WNK1: variants seen among roughly 807,000 people sequenced by gnomAD.
The protein encoded by WNK1 is WNK lysine deficient protein kinase 1.
WNK1 carries 38 observed loss-of-function variants against 222.8 expected under a neutral mutation model. The observed-to-expected ratio is 0.17, with a 90% CI of 0.13 to 0.22. The LOEUF (loss-of-function observed/expected upper bound fraction) is 0.22. Among genes scored for constraint, WNK1 ranks in the 10% least tolerant of loss-of-function variants. The pLI is 1.00. For synonymous variants in WNK1, 1,090 were observed against 1,092.9 expected (o/e 1.00, Z 0.05); for missense variants, 2,348 against 2,918.4 (o/e 0.80, Z 4.50).
chr12:754,041 G>A lies in WNK1; in HGVS notation c.476G>A (p.Ser159Asn), dbSNP rs1054763630. The A allele has an allele frequency of 6.3e-7, 1 of 1,595,240 alleles. No individual in the cohort carries two copies. The highest frequency in any genetic ancestry group is 8.5e-7 in the Non-Finnish European group (1 of 1,171,194). ...AGPAPSTVPS[S>N]TSKDRPVSQP... ...CCTGCCCCCTCGACTGTCCCCAGCAGTACCAGCAAAGACCGCCCAGTGTCC... is the reference window on the plus strand; with the variant it reads ...CCTGCCCCCTCGACTGTCCCCAGCAATACCAGCAAAGACCGCCCAGTGTCC... Residue 159 changes from serine to asparagine, a missense_variant, in exon 1 of 28, where the codon AGT becomes AAT. Physicochemically the swap from Ser to Asn is conservative, Grantham distance 46 (BLOSUM62 1). Transcript: ENST00000315939.
chr12:796,041 T>G (rs1480107344), intron 1 of WNK1, among the ~76,000 whole-genome samples: 1 of 152,034 alleles, frequency 6.6e-6, no homozygotes, highest in African/African-American at 2.4e-5. Flanking sequence ...CCCAGCTAAT[T>G]TTTGTATGCG....
At chr12:871,167 C>T in intron 8 of WNK1, 98 bp from the exon 9 acceptor site, 1 of 1,171,366 alleles carries the variant, frequency 8.5e-7, no homozygotes, top group East Asian at 2.4e-5. Context: ...TTTGATCAAG[C>T]AAACTCTGAG....
At chr12:851,625 G>A (rs986210232) in intron 4 of WNK1, 23 of 1,278,926 alleles carry the variant, frequency 1.8e-5, no homozygotes, top group Non-Finnish European at 2.2e-5. Flanking sequence ...TATGCTGTGG[G>A]CTGATGTACA....
rs548130663 is a variant in WNK1 at position 891,154 on chromosome 12, T to C, written c.5509+641T>C. Among the ~76,000 whole-genome samples the C allele has an allele frequency of 4.6e-5, 7 of 152,336 alleles. No individual in the cohort carries two copies. The East Asian group carries it at 1.3e-3, about 29-fold the overall frequency. On this transcript the variant is annotated intron_variant, in intron 22 of 27. Transcript: ENST00000315939. ...TTGGAAGATGGAATATTTCTTTTTT[T>C]TTGAAGTGGAGTTTGCTCTTGTTGC...
intron 1 of WNK1, among the ~76,000 whole-genome samples, chr12:778,979 A>C (rs1213359736): frequency 6.6e-6 from 1 of 152,164 alleles, no homozygotes; most frequent in African/African-American, 2.4e-5. Context: ...GGGAGCAAAC[A>C]ATAATGGGGA....
chr12:838,835 G>C (rs1033935243), intron 4 of WNK1, among the ~76,000 whole-genome samples: 1 of 152,018 alleles, frequency 6.6e-6, no homozygotes, highest in Non-Finnish European at 1.5e-5. Context: ...CATATTGTAA[G>C]GTACTAGAGA....
intron 1 of WNK1, among the ~76,000 whole-genome samples, chr12:796,155 T>A (rs1945293616): frequency 6.6e-6 from 1 of 152,220 alleles, no homozygotes; most frequent in South Asian, 2.1e-4. Flanking sequence ...ATTACAGACG[T>A]GAGCCACCAC....
At chr12:859,155 G>A (rs909124016) in intron 5 of WNK1, 90 bp from the exon 6 acceptor site, 34 of 1,138,662 alleles carry the variant, frequency 3.0e-5, no homozygotes, top group Non-Finnish European at 3.8e-5. Context: ...TTTCTTCTGC[G>A]AATAACAATA....
At chr12:817,961 AAAAG>A (rs1486868412) in intron 2 of WNK1, among the ~76,000 whole-genome samples, 1 of 152,222 alleles carries the variant, frequency 6.6e-6, no homozygotes, top group African/African-American at 2.4e-5. Flanking sequence ...CAAAAAAAGA[AAAAG>A]AAAAAAAATT....
chr12:882,256 G>GCAT (rs1953234569), intron 14 of WNK1, among the ~76,000 whole-genome samples, 183 bp downstream of exon 14: 1 of 152,012 alleles, frequency 6.6e-6, no homozygotes, highest in Non-Finnish European at 1.5e-5. Flanking sequence ...GAGTGCAGTG[G>GCAT]CATGATCTCT....
At chr12:892,174 C>T (rs557044950) in intron 22 of WNK1, among the ~76,000 whole-genome samples, 34 of 151,828 alleles carry the variant, frequency 2.2e-4, no homozygotes, top group African/African-American at 7.0e-4. Flanking sequence ...GTGCTGCACC[C>T]ATTAACTCGT....
intron 1 of WNK1, among the ~76,000 whole-genome samples, chr12:809,614 T>G (rs1278526751): frequency 6.6e-6 from 1 of 152,202 alleles, no homozygotes; most frequent in Non-Finnish European, 1.5e-5. Context: ...AGAATTATTA[T>G]TTTGTTTCTA....
At chr12:877,507 C>T (rs985481997) in intron 9 of WNK1, among the ~76,000 whole-genome samples, 3 of 152,234 alleles carry the variant, frequency 2.0e-5, no homozygotes, top group South Asian at 4.1e-4. Flanking sequence ...TGTATAATTA[C>T]GCACCATGCA....
chr12:885,205 A>G lies in WNK1; in HGVS notation c.4401A>G (p.Pro1467=). ...CTGCAGGGGGCAGTACTGCTACCCCAGGTCCTAAGCCTCCAGCTGTAGTAT... is the reference window on the plus strand; with the variant it reads ...CTGCAGGGGGCAGTACTGCTACCCCGGGTCCTAAGCCTCCAGCTGTAGTAT... ...SASAGGSTAT[P]GPKPPAVVSQ... The change falls in exon 19 of 28, where the codon CCA becomes CCG. Residue 1467 remains proline, a synonymous_variant. Transcript: ENST00000315939. 1 of 1,614,180 alleles carries G rather than the reference A, an allele frequency of 6.2e-7. No individual in the cohort carries two copies. The highest frequency in any genetic ancestry group is 8.5e-7 in the Non-Finnish European group (1 of 1,180,016).
intron 1 of WNK1, among the ~76,000 whole-genome samples, chr12:810,315 G>A (rs1302392309): frequency 1.3e-5 from 2 of 151,876 alleles, no homozygotes; most frequent in Non-Finnish European, 1.5e-5. Flanking sequence ...ATGATAAGGA[G>A]GGAGTATTCC....
At chr12:858,576 G>T (rs191297388) in intron 5 of WNK1, among the ~76,000 whole-genome samples, 1 of 152,082 alleles carries the variant, frequency 6.6e-6, no homozygotes, top group Admixed American at 6.5e-5. Context: ...TCAGACTTCT[G>T]CTTGCCCAGT....
intron 3 of WNK1, among the ~76,000 whole-genome samples, chr12:829,475 G>A (rs1948628111): frequency 6.6e-6 from 1 of 152,078 alleles, no homozygotes; most frequent in Non-Finnish European, 1.5e-5. Flanking sequence ...TCACTGCAAG[G>A]CCTTCTTAAA....
Position 910,134 on chromosome 12 carries a change from G to T in WNK1, c.*1342G>T, listed in dbSNP as rs77954451. 0.015 allele frequency: 2,287 copies of T among 152,220 alleles called. 33 individuals carry two copies. The highest frequency in any genetic ancestry group is 0.025 in the Non-Finnish European group (1,699 of 68,048). The allele number at this position is 152,220 out of a possible 1,614,324, so 9.4% of individuals were successfully genotyped here. Reference sequence around the variant, plus strand: ...AAACTGAACATAAAGAGAAGGGGGTGGGGGGCTAGTTTTCAAGTTGGGGAA... The same window carrying T: ...AAACTGAACATAAAGAGAAGGGGGTTGGGGGCTAGTTTTCAAGTTGGGGAA... On this transcript the variant is annotated 3_prime_UTR_variant, in exon 28 of 28. Transcript: ENST00000315939.
chr12:884,066 A>G lies in WNK1; in HGVS notation c.3722-55A>G. The G allele has an allele frequency of 1.9e-6, 3 of 1,610,590 alleles. No homozygotes were observed. Among genetic ancestry groups the G allele is most frequent in the Non-Finnish European group, 2.5e-6 (3 of 1,177,780 alleles). On this transcript the variant is annotated intron_variant, in intron 17 of 27. Transcript: ENST00000315939. This position sits in a 1 kb window ranked among gnomAD's most constrained non-coding sequence, Gnocchi z 5.6. Reference sequence around the variant, plus strand: ...GTATGTGCCAATAATGAAGTCTAACAATATTTATAATAATAATGCTATTAA... The same window carrying G: ...GTATGTGCCAATAATGAAGTCTAACGATATTTATAATAATAATGCTATTAA...
Sources: allele counts gnomAD v4.1 joint callset (sites outside exome capture counted in the v4.1 genomes callset), GRCh38; gene constraint gnomAD v4.1.1; non-coding constraint Gnocchi (gnomAD v3.1); transcripts MANE v1.5; gene names NCBI Gene and HGNC (gene_info 2026-07-23, HGNC 2026-07-21).